Variants in ATE1 observed in about 807,000 individuals in gnomAD.
The protein encoded by ATE1 is arginyl-tRNA--protein transferase 1.
In ATE1, 36 loss-of-function variants were observed where a neutral mutation model predicts 70.5. That is an observed-to-expected ratio of 0.51 (90% CI 0.39 to 0.67). ATE1 has a LOEUF of 0.67. ATE1 is among the 30% of genes least tolerant of loss of function. ATE1 has a pLI of 0.00. For missense variants in ATE1, 593 were observed against 629.5 expected (o/e 0.94, Z 0.62); for synonymous variants, 232 against 219.3 (o/e 1.06, Z -0.51).
At chr10:121,894,173 A>G (rs1395037787) in intron 7 of ATE1, among the ~76,000 whole-genome samples, 1 of 152,100 alleles carries the variant, frequency 6.6e-6, no homozygotes, top group Non-Finnish European at 1.5e-5. Flanking sequence ...GAAAAAAAAA[A>G]ACATGGACAT....
At chr10:121,870,223 T>C (rs1226096791) in intron 7 of ATE1, among the ~76,000 whole-genome samples, 185 bp from the exon 8 acceptor site, 1 of 152,226 alleles carries the variant, frequency 6.6e-6, no homozygotes, top group African/African-American at 2.4e-5. Flanking sequence ...GCCTAGTCCA[T>C]AGGAGGCACC....
intron 10 of ATE1, among the ~76,000 whole-genome samples, chr10:121,800,855 G>T (rs1946849580): frequency 6.6e-6 from 1 of 152,130 alleles, no homozygotes; most frequent in Admixed American, 6.5e-5. Context: ...GAGAAAATGA[G>T]TAAGAATAAA....
At chr10:121,851,020 C>T (rs1002270320) in intron 8 of ATE1, among the ~76,000 whole-genome samples, 7 of 124,632 alleles carry the variant, frequency 5.6e-5, no homozygotes, top group Admixed American at 1.0e-4. Flanking sequence ...GAACCTGGGA[C>T]GTGGAGCTTG....
At chr10:121,807,506 C>G (rs1442886168) in intron 10 of ATE1, among the ~76,000 whole-genome samples, 2 of 152,188 alleles carry the variant, frequency 1.3e-5, no homozygotes, top group Non-Finnish European at 2.9e-5. Flanking sequence ...TATTATTGAA[C>G]TTCACATAGC....
chr10:121,766,127 G>T (rs10886977), intron 11 of ATE1, among the ~76,000 whole-genome samples: 125,288 of 152,218 alleles, frequency 0.82, 51,913 homozygotes, highest in Non-Finnish European at 0.88. Context: ...AGTATTAGAA[G>T]GATACAAATA....
At chr10:121,790,424 A>G in intron 10 of ATE1, 135 bp from the exon 11 acceptor site, 1 of 1,139,970 alleles carries the variant, frequency 8.8e-7, no homozygotes, top group South Asian at 1.8e-5. Flanking sequence ...GTAAATACTA[A>G]GCAACCCTGT....
chr10:121,856,498 C>T (rs1474574549), intron 8 of ATE1, among the ~76,000 whole-genome samples: 1 of 152,192 alleles, frequency 6.6e-6, no homozygotes, highest in Non-Finnish European at 1.5e-5. Context: ...CTACGGCACT[C>T]CAGCCTGGGT....
At chr10:121,814,971 G>GT (rs1947477575) in intron 10 of ATE1, among the ~76,000 whole-genome samples, 1 of 152,182 alleles carries the variant, frequency 6.6e-6, no homozygotes, top group Non-Finnish European at 1.5e-5. Context: ...AAGATAAAGT[G>GT]TATTTAGCTG....
chr10:121,846,542 T>G (rs983561084), intron 8 of ATE1: 1 of 152,134 alleles, frequency 6.6e-6, no homozygotes, highest in Non-Finnish European at 1.5e-5. Context: ...TTTACTAAGG[T>G]GCTAGCAGTA....
intron 11 of ATE1, among the ~76,000 whole-genome samples, chr10:121,776,706 C>T (rs1945758418): frequency 6.6e-6 from 1 of 152,242 alleles, no homozygotes; most frequent in South Asian, 2.1e-4. Context: ...CTATTTAGCA[C>T]ATTTTTGTTT....
intron 11 of ATE1, among the ~76,000 whole-genome samples, chr10:121,744,368 C>G (rs577870380): frequency 6.6e-6 from 1 of 152,194 alleles, no homozygotes; most frequent in East Asian, 1.9e-4. Flanking sequence ...AACTGCCATG[C>G]TGAAGGTGAT....
chr10:121,858,585 A>G (rs916210163), intron 8 of ATE1, among the ~76,000 whole-genome samples: 5 of 148,662 alleles, frequency 3.4e-5, no homozygotes, highest in Non-Finnish European at 5.9e-5. Context: ...ACAAACACTA[A>G]AACAATGACC....
At chr10:121,765,436 A>G (rs2420958) in intron 11 of ATE1, among the ~76,000 whole-genome samples, 118,765 of 151,358 alleles carry the variant, frequency 0.78, 46,775 homozygotes, top group Middle Eastern at 0.89. Flanking sequence ...AAACTATGCT[A>G]ACATTCAGAA....
intron 10 of ATE1, among the ~76,000 whole-genome samples, chr10:121,805,085 G>A (rs755075057): frequency 2.6e-5 from 4 of 152,044 alleles, no homozygotes; most frequent in Non-Finnish European, 5.9e-5. Context: ...TTCTCTTTCC[G>A]CAATAACAGC....
At chr10:121,858,848 C>A (rs1323174379) in intron 8 of ATE1, among the ~76,000 whole-genome samples, 2 of 151,872 alleles carry the variant, frequency 1.3e-5, no homozygotes, top group Non-Finnish European at 2.9e-5. Flanking sequence ...GTAATCCCAG[C>A]ACTTTGGGAT....
rs117330685 is a variant in ATE1, at chr10:121,775,270, A to T, written c.1378+14899T>A. ...AAATATACAAAATATTAAAATCTTA[A>T]TTACTACTGATAGTAAACCCTTTAT... is the stretch of plus-strand genomic sequence containing the variant. On this transcript the variant is annotated intron_variant, in intron 11 of 11. Transcript: ENST00000224652. Among the ~76,000 whole-genome samples, 396 of 152,282 alleles carry T rather than the reference A, an allele frequency of 2.6e-3. 5 individuals carry two copies. In the East Asian group the frequency reaches 0.041, roughly 16 times the overall value.
chr10:121,877,715 C>T (rs1950099298), intron 7 of ATE1, among the ~76,000 whole-genome samples: 1 of 152,168 alleles, frequency 6.6e-6, no homozygotes, highest in Non-Finnish European at 1.5e-5. Flanking sequence ...TACAATACTA[C>T]TATCCACTCA....
chr10:121,907,594 G>A (rs1162041446), intron 5 of ATE1, among the ~76,000 whole-genome samples: 1 of 151,956 alleles, frequency 6.6e-6, no homozygotes, highest in African/African-American at 2.4e-5. Flanking sequence ...CTAACACGGT[G>A]AAACCCCATC....
chr10:121,805,818 C>G (rs79869900), intron 10 of ATE1, among the ~76,000 whole-genome samples: 3,381 of 152,258 alleles, frequency 0.022, 155 homozygotes, highest in East Asian at 0.22. Flanking sequence ...TATTCAGTCT[C>G]CAAGTCTAGC....
Sources: allele counts gnomAD v4.1 joint callset (sites outside exome capture counted in the v4.1 genomes callset), GRCh38; gene constraint gnomAD v4.1.1; transcripts MANE v1.5; gene names NCBI Gene and HGNC (gene_info 2026-07-23, HGNC 2026-07-21).